The following ANO3 variants were observed in gnomAD, a reference collection of about 807,000 sequenced individuals.
The protein encoded by ANO3 is anoctamin-3.
Under a neutral mutation model 144.8 loss-of-function variants are expected in ANO3, and 99 were observed. The ratio of observed to expected loss-of-function variants is 0.68; its 90% CI spans 0.58 to 0.81. The LOEUF (loss-of-function observed/expected upper bound fraction) is 0.81. ANO3 is among the 30% of genes least tolerant of loss of function. The probability of loss-of-function intolerance (pLI) is 0.00; values close to 1 mark genes in which losing one functional copy is unlikely to be tolerated. For synonymous variants in ANO3, 414 were observed against 392.6 expected (o/e 1.05, Z -0.64); for missense variants, 905 against 1,202.2 (o/e 0.75, Z 3.66).
chr11:26,531,936 A>C (rs758799759), intron 8 of ANO3, among the ~76,000 whole-genome samples: 2 of 152,218 alleles, frequency 1.3e-5, no homozygotes, highest in Non-Finnish European at 2.9e-5. Context: ...CTTATGACAC[A>C]GTTTCTATCT....
chr11:26,566,838 T>A (rs1025707048), intron 14 of ANO3, among the ~76,000 whole-genome samples: 5 of 151,902 alleles, frequency 3.3e-5, no homozygotes, highest in African/African-American at 1.2e-4. Context: ...ATAATCACCA[T>A]AATAAGCAGT....
chr11:26,378,454 A>C (rs954527358), intron 1 of ANO3, among the ~76,000 whole-genome samples: 10 of 147,244 alleles, frequency 6.8e-5, no homozygotes, highest in African/African-American at 2.5e-4. Flanking sequence ...ATCTATCTAT[A>C]TAGACTAGTT....
intron 3 of ANO3, among the ~76,000 whole-genome samples, chr11:26,452,723 C>T (rs988762737): frequency 1.3e-5 from 2 of 152,112 alleles, no homozygotes; most frequent in Non-Finnish European, 2.9e-5. Context: ...TCAGGAAATA[C>T]AGAGAACACC....
intron 3 of ANO3, among the ~76,000 whole-genome samples, chr11:26,444,494 T>A (rs2134027149): frequency 6.6e-6 from 1 of 152,330 alleles, no homozygotes; most frequent in South Asian, 2.1e-4. Context: ...TTTTCAGTAG[T>A]AGATACATCG....
At chr11:26,208,822 C>G (rs1254475010) in intron 1 of ANO3, among the ~76,000 whole-genome samples, 1 of 152,116 alleles carries the variant, frequency 6.6e-6, no homozygotes, top group African/African-American at 2.4e-5. Flanking sequence ...AAGTTTTGTA[C>G]TAACATTTGT....
Position 26,281,137 on chromosome 11 carries a change from A to G in ANO3, c.155-28508A>G, listed in dbSNP as rs571992284. Among the ~76,000 whole-genome samples, 5 of 152,360 alleles carry G rather than the reference A, an allele frequency of 3.3e-5. No homozygotes were observed. In the East Asian group the frequency reaches 9.6e-4, roughly 29 times the overall value. On this transcript the variant is annotated intron_variant, in intron 1 of 27. Transcript: ENST00000672621. ...ACCCTGTGAAATAATTAACATTAATATCTTTACTTTGCAGATGAAGAAATA... is the reference window on the plus strand; with the variant it reads ...ACCCTGTGAAATAATTAACATTAATGTCTTTACTTTGCAGATGAAGAAATA...
chr11:26,245,225 G>A (rs1179022651), intron 1 of ANO3, among the ~76,000 whole-genome samples: 1 of 152,054 alleles, frequency 6.6e-6, no homozygotes, highest in Non-Finnish European at 1.5e-5. Flanking sequence ...TCCCATTTTT[G>A]ATGATGTAAA....
At chr11:26,236,866 A>G (rs1383845538) in intron 1 of ANO3, among the ~76,000 whole-genome samples, 1 of 151,922 alleles carries the variant, frequency 6.6e-6, no homozygotes, top group Non-Finnish European at 1.5e-5. Flanking sequence ...ACATTGAGGA[A>G]ATATATTTAT....
At chr11:26,554,692 C>T (rs1207097797) in intron 13 of ANO3, among the ~76,000 whole-genome samples, 5 of 152,096 alleles carry the variant, frequency 3.3e-5, no homozygotes, top group Non-Finnish European at 5.9e-5. Context: ...GCTGGTCTGA[C>T]TCCAGTCTCT....
intron 1 of ANO3, among the ~76,000 whole-genome samples, chr11:26,422,554 T>C (rs1172958613): frequency 6.6e-6 from 1 of 151,978 alleles, no homozygotes; most frequent in Non-Finnish European, 1.5e-5. Context: ...TTTAGGAAAA[T>C]CTGTTCTGCA....
At chr11:26,611,016 G>C (rs948021655) in intron 17 of ANO3, among the ~76,000 whole-genome samples, 1 of 151,704 alleles carries the variant, frequency 6.6e-6, no homozygotes. Flanking sequence ...TATTTATTTA[G>C]GTCTTTCCTC....
At position 26,332,315 on chromosome 11, in the gene ANO3, CA is replaced by C; in HGVS notation, c.45del (p.Gly16ValfsTer2). 1 of 1,613,794 alleles carries C rather than the reference CA, an allele frequency of 6.2e-7. No homozygotes were observed. The highest frequency in any genetic ancestry group is 8.5e-7 in the Non-Finnish European group (1 of 1,179,954). ...AGGCTCCATTCAGTCCTTTAAACAG[CA>C]AAAAGGTCAGTTGGAATCTTGCTCC... is the stretch of plus-strand genomic sequence containing the variant. ...HSGSIQSFKQ[Q>X]KGMNISKSEI... On this transcript the variant is annotated frameshift_variant, in exon 1 of 27. Coordinates refer to ENST00000256737, the MANE Select transcript of ANO3 (RefSeq NM_031418.4). LOFTEE classifies it high-confidence loss of function.
intron 1 of ANO3, among the ~76,000 whole-genome samples, chr11:26,294,769 T>C (rs566915669): frequency 2.1e-4 from 32 of 152,350 alleles, no homozygotes; most frequent in African/African-American, 7.5e-4. Flanking sequence ...AAAAATCTTA[T>C]GCCTTTCTTT....
At chr11:26,365,866 G>A (rs138249245) in intron 1 of ANO3, among the ~76,000 whole-genome samples, 124 of 151,608 alleles carry the variant, frequency 8.2e-4, no homozygotes, top group Middle Eastern at 3.4e-3. Context: ...GGATATTAGC[G>A]CTTGGCTCCT....
chr11:26,440,066 C>T (rs763961544), intron 1 of ANO3, among the ~76,000 whole-genome samples: 15 of 152,058 alleles, frequency 9.9e-5, no homozygotes, highest in Non-Finnish European at 1.8e-4. Context: ...AAACACAACA[C>T]TGGGTGTGGG....
chr11:26,429,995 C>T (rs374670900), intron 1 of ANO3, among the ~76,000 whole-genome samples: 24 of 151,928 alleles, frequency 1.6e-4, no homozygotes, highest in Admixed American at 3.3e-4. Flanking sequence ...CTCAGCCCTT[C>T]GGGAGGCCAA....
At chr11:26,655,220 C>T (rs1256762329) in intron 24 of ANO3, among the ~76,000 whole-genome samples, 1 of 152,152 alleles carries the variant, frequency 6.6e-6, no homozygotes, top group Non-Finnish European at 1.5e-5. Context: ...GGCTTCTGTA[C>T]CTTCCCATCT....
intron 24 of ANO3, among the ~76,000 whole-genome samples, chr11:26,651,164 C>A (rs1184989911): frequency 6.6e-6 from 1 of 152,012 alleles, no homozygotes; most frequent in Non-Finnish European, 1.5e-5. Flanking sequence ...GTTCCAGGAA[C>A]TAATTTTCCA....
chr11:26,190,502 T>C (rs1455417447), intron 1 of ANO3, among the ~76,000 whole-genome samples: 3 of 152,200 alleles, frequency 2.0e-5, no homozygotes, highest in African/African-American at 7.2e-5. Flanking sequence ...AATTAATTTT[T>C]TACAGATGTA....
Sources: gnomAD v4.1 joint callset for allele counts (sites outside exome capture counted in the v4.1 genomes callset) on GRCh38, gnomAD v4.1.1 for gene constraint, MANE v1.5 for transcripts, NCBI Gene and HGNC (gene_info 2026-07-23, HGNC 2026-07-21) for gene names.